RALYL: variants seen among roughly 807,000 people sequenced by gnomAD.
RALYL encodes RNA-binding Raly-like protein.
Under a neutral mutation model 35.1 loss-of-function variants are expected in RALYL, and 29 were observed. That is an observed-to-expected ratio of 0.83 (90% CI 0.61 to 1.13). The LOEUF (loss-of-function observed/expected upper bound fraction) is 1.13. RALYL is among the 50% of genes most tolerant of loss of function. The pLI is 0.00. For synonymous variants in RALYL, 120 were observed against 127.6 expected, an observed-to-expected ratio of 0.94 and a Z score of 0.40; for missense variants, 359 against 360.4, an observed-to-expected ratio of 1.00 and a Z score of 0.03.
chr8:84,424,600 C>A (rs1181301286), intron 1 of RALYL, among the ~76,000 whole-genome samples: 2 of 151,472 alleles, frequency 1.3e-5, no homozygotes, highest in East Asian at 1.9e-4. Flanking sequence ...TGAGGAACTG[C>A]GTTCCTTTGG....
intron 1 of RALYL, among the ~76,000 whole-genome samples, chr8:84,251,457 T>C (rs1830175495): frequency 6.6e-6 from 1 of 152,138 alleles, no homozygotes; most frequent in Non-Finnish European, 1.5e-5. Flanking sequence ...TTACGGTCAT[T>C]TTCTGGCAGT....
intron 3 of RALYL, among the ~76,000 whole-genome samples, chr8:84,794,121 C>T (rs572471500): frequency 4.6e-5 from 7 of 152,282 alleles, no homozygotes; most frequent in African/African-American, 1.7e-4. Flanking sequence ...CATGGAAGGA[C>T]ACACAAGTCA....
intron 1 of RALYL, among the ~76,000 whole-genome samples, chr8:84,503,189 C>A (rs2056855153): frequency 6.6e-6 from 1 of 151,860 alleles, no homozygotes; most frequent in African/African-American, 2.4e-5. Flanking sequence ...GCTGTGTTAC[C>A]CAAGCTAGAG....
At chr8:84,599,841 G>T (rs1815482843) in intron 2 of RALYL, among the ~76,000 whole-genome samples, 1 of 150,382 alleles carries the variant, frequency 6.6e-6, no homozygotes, top group Non-Finnish European at 1.5e-5. Context: ...CAAACTAGTT[G>T]TTCCAAAAAG....
intron 2 of RALYL, among the ~76,000 whole-genome samples, chr8:84,635,828 G>A (rs1824946971): frequency 6.6e-6 from 1 of 151,724 alleles, no homozygotes; most frequent in Non-Finnish European, 1.5e-5. Flanking sequence ...GTGCTCTAGA[G>A]ATGAGGAAAC....
chr8:84,868,708 C>G (rs1586863200), intron 6 of RALYL, among the ~76,000 whole-genome samples: 1 of 151,804 alleles, frequency 6.6e-6, no homozygotes, highest in African/African-American at 2.4e-5. Flanking sequence ...CATTTTCTTT[C>G]TAAAAAATAT....
intron 1 of RALYL, among the ~76,000 whole-genome samples, chr8:84,418,876 AT>A (rs146663906): frequency 1.3e-4 from 19 of 151,374 alleles, no homozygotes; most frequent in Admixed American, 2.0e-4. Flanking sequence ...ATTTCTTTGG[AT>A]TTTTTTTTCC....
At chr8:84,330,331 A>C (rs186863286) in intron 1 of RALYL, among the ~76,000 whole-genome samples, 56 of 152,170 alleles carry the variant, frequency 3.7e-4, no homozygotes, top group Admixed American at 1.1e-3. Context: ...TATATACTAC[A>C]TCTTAAATGT....
At chr8:84,689,081 T>TA (rs1410310021) in intron 2 of RALYL, among the ~76,000 whole-genome samples, 4 of 151,934 alleles carry the variant, frequency 2.6e-5, no homozygotes, top group Non-Finnish European at 5.9e-5. Flanking sequence ...TTTTTTTTTT[T>TA]AAATTTATTA....
At chr8:84,493,403 A>C (rs999384434) in intron 1 of RALYL, among the ~76,000 whole-genome samples, 1 of 152,142 alleles carries the variant, frequency 6.6e-6, no homozygotes, top group African/African-American at 2.4e-5. Context: ...TTATAATAGA[A>C]TGATTTATAT....
chr8:84,819,865 C>T (rs1828138894), intron 4 of RALYL, among the ~76,000 whole-genome samples: 1 of 152,120 alleles, frequency 6.6e-6, no homozygotes, highest in Admixed American at 6.5e-5. Flanking sequence ...GTTATCAGCA[C>T]TTCTACCACT....
chr8:84,792,524 G>A (rs1821037919), intron 3 of RALYL, among the ~76,000 whole-genome samples: 1 of 152,200 alleles, frequency 6.6e-6, no homozygotes, highest in Admixed American at 6.5e-5. Context: ...AGGCCAAAAG[G>A]CAAATTTGGG....
intron 2 of RALYL, among the ~76,000 whole-genome samples, chr8:84,603,102 A>C (rs910862271): frequency 2.6e-5 from 4 of 152,074 alleles, no homozygotes; most frequent in African/African-American, 9.7e-5. Context: ...TTTTATATGT[A>C]TATTGTACCT....
intron 1 of RALYL, among the ~76,000 whole-genome samples, chr8:84,193,790 A>G (rs1657243843): frequency 6.6e-6 from 1 of 152,330 alleles, no homozygotes; most frequent in South Asian, 2.1e-4. Flanking sequence ...TTAGCCTGTA[A>G]TCTGAATGGG....
intron 2 of RALYL, among the ~76,000 whole-genome samples, chr8:84,713,025 A>G (rs569698331): frequency 6.6e-6 from 1 of 152,224 alleles, no homozygotes; most frequent in Non-Finnish European, 1.5e-5. Flanking sequence ...ATATCCAAAA[A>G]GTTTTGGCTC....
At chr8:84,186,993 G>A (rs558672844) in intron 1 of RALYL, among the ~76,000 whole-genome samples, 1 of 152,146 alleles carries the variant, frequency 6.6e-6, no homozygotes, top group Non-Finnish European at 1.5e-5. Context: ...CAGGGATTTA[G>A]ATCAATTTAA....
chr8:84,294,191 G>A (rs912181931), intron 1 of RALYL, among the ~76,000 whole-genome samples: 6 of 152,078 alleles, frequency 3.9e-5, no homozygotes, highest in Admixed American at 3.3e-4. Context: ...CATGTAAGAA[G>A]GGTTTAAAAG....
At chr8:84,258,726 G>A (rs1444772393) in intron 1 of RALYL, among the ~76,000 whole-genome samples, 1 of 152,042 alleles carries the variant, frequency 6.6e-6, no homozygotes, top group African/African-American at 2.4e-5. Context: ...TTTTACCAGG[G>A]TGATATTGGG....
At chr8:84,625,588 C>T (rs1426421943) in intron 2 of RALYL, among the ~76,000 whole-genome samples, 1 of 152,132 alleles carries the variant, frequency 6.6e-6, no homozygotes, top group Non-Finnish European at 1.5e-5. Context: ...TTTTAACCTT[C>T]ATAGAGATCC....
Sources: allele counts gnomAD v4.1 joint callset (sites outside exome capture counted in the v4.1 genomes callset), GRCh38; gene constraint gnomAD v4.1.1; transcripts MANE v1.5; gene names NCBI Gene and HGNC (gene_info 2026-07-23, HGNC 2026-07-21).